The following STOX2 variants were observed in gnomAD, a reference collection of about 807,000 sequenced individuals.
The protein encoded by STOX2 is storkhead-box protein 2.
In STOX2, 28 loss-of-function variants were observed where a neutral mutation model predicts 60.9. That is an observed-to-expected ratio of 0.46 (90% confidence interval 0.34 to 0.63). STOX2 has a LOEUF of 0.63. Ranked by LOEUF, STOX2 falls within the 30% of genes least tolerant of loss-of-function variation. The pLI, the probability that STOX2 is intolerant of heterozygous loss-of-function variation, is 0.01. For missense variants in STOX2, 1,024 were observed against 1,187.7 expected, an observed-to-expected ratio of 0.86 and a Z score of 2.03; for synonymous variants, 472 against 463.9, an observed-to-expected ratio of 1.02 and a Z score of -0.22.
At chr4:183,945,327 G>T (rs1407016834) in intron 1 of STOX2, among the ~76,000 whole-genome samples, 1 of 152,124 alleles carries the variant, frequency 6.6e-6, no homozygotes, top group Non-Finnish European at 1.5e-5. Context: ...TTAACATGAG[G>T]GTACACAGCG....
At chr4:183,848,984 A>G (rs1464678650) in intron 1 of STOX2, among the ~76,000 whole-genome samples, 1 of 152,186 alleles carries the variant, frequency 6.6e-6, no homozygotes, top group African/African-American at 2.4e-5. Context: ...GCTGGCAAGC[A>G]GTTTCCAGCA....
Position 183,867,035 on chromosome 4 carries a change from C to G in STOX2, c.364+68980C>G, listed in dbSNP as rs1740584723. On this transcript the variant is annotated intron_variant, in intron 1 of 2. Transcript: ENST00000513034. The stretch of plus-strand genomic sequence containing the variant: ...TGTTTATAGTTCTTTTTTTTTTCCC[C>G]CTATGAGTGGGCACTATTTACATGT... 2.0e-5 allele frequency among the ~76,000 whole-genome samples: 3 copies of G among 151,532 alleles called. No individual in the cohort carries two copies. In the South Asian group the frequency reaches 6.2e-4, roughly 32 times the overall value.
At chr4:183,852,103 G>GA (rs1740158041) in intron 1 of STOX2, among the ~76,000 whole-genome samples, 1 of 138,484 alleles carries the variant, frequency 7.2e-6, no homozygotes, top group Non-Finnish European at 1.6e-5. Context: ...GAAAGGATGA[G>GA]GGAAAGGATG....
chr4:183,953,151 A>G (rs141168764), intron 1 of STOX2, among the ~76,000 whole-genome samples: 2,402 of 152,120 alleles, frequency 0.016, 51 homozygotes, highest in Middle Eastern at 0.041. Flanking sequence ...ACAAACCTGC[A>G]TGTTCTGCAC....
intron 1 of STOX2, among the ~76,000 whole-genome samples, chr4:183,891,176 CAGA>C (rs747113037): frequency 6.6e-6 from 1 of 151,774 alleles, no homozygotes; most frequent in Non-Finnish European, 1.5e-5. Context: ...AACCACCTGT[CAGA>C]ATTTGTCTGT....
chr4:183,815,308 A>T (rs1739130519), intron 1 of STOX2, among the ~76,000 whole-genome samples: 1 of 152,128 alleles, frequency 6.6e-6, no homozygotes, highest in African/African-American at 2.4e-5. Flanking sequence ...TAAAAAACCC[A>T]CTGTGAAGAT....
intron 1 of STOX2, among the ~76,000 whole-genome samples, chr4:183,992,814 T>C (rs1219468536): frequency 6.6e-6 from 1 of 152,238 alleles, no homozygotes; most frequent in Admixed American, 6.5e-5. Context: ...GTAGGACCTT[T>C]TGATTCTACA....
chr4:183,802,715 C>T (rs908598886), intron 1 of STOX2, among the ~76,000 whole-genome samples: 6 of 152,130 alleles, frequency 3.9e-5, no homozygotes, highest in Non-Finnish European at 8.8e-5. Context: ...ACGCCATTCT[C>T]CTGCCTCAGC....
intron 1 of STOX2, among the ~76,000 whole-genome samples, chr4:183,998,992 T>C (rs1733467629): frequency 6.6e-6 from 1 of 152,110 alleles, no homozygotes. Flanking sequence ...TGCAGTGAGC[T>C]ATGATTGTGC....
At chr4:183,928,732 G>C (rs183723167) in intron 1 of STOX2, among the ~76,000 whole-genome samples, 54 of 150,736 alleles carry the variant, frequency 3.6e-4, no homozygotes, top group African/African-American at 1.2e-3. Context: ...AGTGTCTCAG[G>C]AGGCAGAGGT....
At chr4:183,844,839 C>T (rs886750572) in intron 1 of STOX2, among the ~76,000 whole-genome samples, 13 of 152,166 alleles carry the variant, frequency 8.5e-5, no homozygotes, top group African/African-American at 3.1e-4. Context: ...ATTTGTTAGA[C>T]ATACAAAGTT....
intron 1 of STOX2, among the ~76,000 whole-genome samples, chr4:183,937,964 A>G (rs999469980): frequency 2.0e-5 from 3 of 152,176 alleles, no homozygotes; most frequent in Admixed American, 6.5e-5. Flanking sequence ...CCTGGGCAAC[A>G]TGGCAAAACC....
intron 1 of STOX2, among the ~76,000 whole-genome samples, chr4:183,886,413 C>T (rs376246447): frequency 1.7e-4 from 26 of 152,266 alleles, no homozygotes; most frequent in East Asian, 1.4e-3. Flanking sequence ...ATTTGACAAT[C>T]GAATGTTTCT....
At chr4:183,962,023 A>T (rs1743428395) in intron 1 of STOX2, among the ~76,000 whole-genome samples, 1 of 152,226 alleles carries the variant, frequency 6.6e-6, no homozygotes, top group Non-Finnish European at 1.5e-5. Flanking sequence ...TGTTGATGAG[A>T]CAGGCACTTT....
intron 1 of STOX2, among the ~76,000 whole-genome samples, chr4:183,924,484 T>A (rs1742185085): frequency 6.6e-6 from 1 of 152,010 alleles, no homozygotes; most frequent in Admixed American, 6.6e-5. Flanking sequence ...CCCCAGGCAG[T>A]GCCCTCTCTC....
chr4:183,923,797 G>C (rs1412740857), intron 1 of STOX2, among the ~76,000 whole-genome samples: 1 of 152,082 alleles, frequency 6.6e-6, no homozygotes, highest in African/African-American at 2.4e-5. Context: ...TCCTTACCTG[G>C]GGCTGTGAGG....
intron 1 of STOX2, among the ~76,000 whole-genome samples, chr4:183,839,854 A>G (rs1739809307): frequency 6.6e-6 from 1 of 152,190 alleles, no homozygotes; most frequent in Non-Finnish European, 1.5e-5. Context: ...TTTAAACATC[A>G]ATTATGAAAT....
rs2111251668 is a variant in STOX2, at chr4:184,011,209, G to A, written c.2371G>A (p.Glu791Lys). 1.2e-6 allele frequency: 2 copies of A among 1,606,990 alleles called. No individual in the cohort carries two copies. Among genetic ancestry groups the A allele is most frequent in the Middle Eastern group, 1.7e-4 (1 of 6,034 alleles). ...TGAGGAAGGGGCAAACAAGAACACAGAGGAGGAGAAAAATAGAGAGGACGT... is the reference window on the plus strand; with the variant it reads ...TGAGGAAGGGGCAAACAAGAACACAAAGGAGGAGAAAAATAGAGAGGACGT... ...DSEEGANKNT[E>K]EEKNREDVGT... Residue 791 changes from glutamate (E) to lysine (K), a missense_variant, in exon 3 of 4, where the codon GAG becomes AAG. Glu to Lys is a moderately conservative substitution (Grantham distance 56). Transcript: ENST00000308497. This position sits in a 1 kb window ranked among gnomAD's most constrained non-coding sequence, Gnocchi z 4.4.
At chr4:183,804,916 G>C (rs1561099196) in intron 1 of STOX2, among the ~76,000 whole-genome samples, 1 of 152,056 alleles carries the variant, frequency 6.6e-6, no homozygotes, top group Non-Finnish European at 1.5e-5. Flanking sequence ...TTTCCTTGTG[G>C]GTTTACTTTG....
Sources: gnomAD v4.1 joint callset for allele counts (sites outside exome capture counted in the v4.1 genomes callset) on GRCh38, gnomAD v4.1.1 for gene constraint, Gnocchi (gnomAD v3.1) non-coding constraint, MANE v1.5 for transcripts, NCBI Gene and HGNC (gene_info 2026-07-23, HGNC 2026-07-21) for gene names.